ERO1B: variants seen among roughly 807,000 people sequenced by gnomAD.
The protein encoded by ERO1B is ERO1-like protein beta.
ERO1B carries 49 observed loss-of-function variants against 75.3 expected under a neutral mutation model. The observed-to-expected ratio is 0.65, with a 90% CI of 0.52 to 0.83. The LOEUF (loss-of-function observed/expected upper bound fraction) is 0.83, where lower values mean the gene tolerates loss of function less well. Ranked by LOEUF, ERO1B falls within the 40% of genes least tolerant of loss-of-function variation. The pLI is 0.00. For synonymous variants in ERO1B, 191 were observed against 192.9 expected, an observed-to-expected ratio of 0.99 and a Z score of 0.08; for missense variants, 512 against 560.1, an observed-to-expected ratio of 0.91 and a Z score of 0.87.
At chr1:236,253,205 T>C (rs566337744) in intron 3 of ERO1B, among the ~76,000 whole-genome samples, 1 of 152,344 alleles carries the variant, frequency 6.6e-6, no homozygotes, top group East Asian at 1.9e-4. Context: ...ATTTCCATAT[T>C]TGATCACCAG....
intron 10 of ERO1B, 64 bp from the exon 11 acceptor site, chr1:236,226,803 G>A: frequency 8.0e-7 from 1 of 1,251,528 alleles, no homozygotes; most frequent in East Asian, 2.3e-5. Flanking sequence ...TTGACTCAAG[G>A]AGGTTCAGTA....
chr1:236,229,100 T>C (rs1380648382), intron 10 of ERO1B, among the ~76,000 whole-genome samples: 1 of 152,190 alleles, frequency 6.6e-6, no homozygotes, highest in Non-Finnish European at 1.5e-5. Context: ...TTCACCTTAA[T>C]AATGGCCAAC....
chr1:236,269,869 C>T lies in ERO1B; in HGVS notation c.222+6G>A, dbSNP rs201981274. The T allele has an allele frequency of 2.5e-6, 4 of 1,579,712 alleles. No individual in the cohort carries two copies. Among genetic ancestry groups the T allele is most frequent in the Non-Finnish European group, 3.5e-6 (4 of 1,149,910 alleles). ...ATATCAACAGAATAAAAAATTACAA[C>T]CTTACCTTGTAATAACGAAAATAGT... On this transcript the variant is annotated splice_donor_region_variant and intron_variant, in intron 2 of 15. Transcript: ENST00000354619.
At chr1:236,268,650 G>A (rs1307115123) in intron 2 of ERO1B, among the ~76,000 whole-genome samples, 1 of 152,172 alleles carries the variant, frequency 6.6e-6, no homozygotes, top group African/African-American at 2.4e-5. Flanking sequence ...ACTTTGGGAG[G>A]CCAAGGCGGG....
intron 6 of ERO1B, among the ~76,000 whole-genome samples, chr1:236,237,851 T>C (rs1043572328): frequency 4.6e-5 from 7 of 152,170 alleles, no homozygotes; most frequent in Non-Finnish European, 8.8e-5. Flanking sequence ...CCTGGCACTT[T>C]TGTTTTTGAG....
At chr1:236,269,778 C>T in intron 2 of ERO1B, 97 bp downstream of exon 2, 1 of 900,810 alleles carries the variant, frequency 1.1e-6, no homozygotes, top group East Asian at 2.5e-5. Flanking sequence ...AAGATATACA[C>T]AAGGTGCTGA....
At chr1:236,243,334 A>G (rs1664760163) in intron 6 of ERO1B, 88 bp downstream of exon 6, 6 of 921,272 alleles carry the variant, frequency 6.5e-6, no homozygotes, top group Admixed American at 2.7e-5. Context: ...TACTGAAGCT[A>G]TAATTCAGTT....
intron 5 of ERO1B, 100 bp from the exon 6 acceptor site, chr1:236,243,595 T>C: frequency 1.4e-6 from 1 of 727,820 alleles, no homozygotes; most frequent in Non-Finnish European, 2.1e-6. Context: ...CTGAGGTCAG[T>C]TAAAGATTAG....
At chr1:236,271,659 T>G (rs573665194) in intron 1 of ERO1B, among the ~76,000 whole-genome samples, 1 of 151,586 alleles carries the variant, frequency 6.6e-6, no homozygotes, top group African/African-American at 2.4e-5. Context: ...CTAGTGATTG[T>G]TTTTTATATA....
intron 15 of ERO1B, among the ~76,000 whole-genome samples, chr1:236,218,806 G>A (rs1268206447): frequency 6.6e-6 from 1 of 152,162 alleles, no homozygotes; most frequent in Non-Finnish European, 1.5e-5. Flanking sequence ...AATGGGAACA[G>A]TGATATGAAT....
Position 236,216,801 on chromosome 1 carries a change from T to A in ERO1B, c.*1715A>T, listed in dbSNP as rs1663992781. 1 of 152,112 alleles carries A rather than the reference T, an allele frequency of 6.6e-6. No homozygotes were observed. The allele number at this position is 152,112 out of a possible 1,614,324, so 9.4% of individuals were successfully genotyped here. ...AGTGAATACTAAGAATAATTCTTAC[T>A]AATTTACTAGTTAAATTAATTGGAT... On this transcript the variant is annotated 3_prime_UTR_variant, in exon 16 of 16. Coordinates refer to ENST00000354619, the MANE Select transcript of ERO1B (RefSeq NM_019891.4).
chr1:236,280,064 G>A lies in ERO1B; in HGVS notation c.102+1618C>T, dbSNP rs559749494. ...CAGCACCTGGGAAGCCAAAGTAAGA[G>A]GCTCGCTGGAGGCCAGGAGTTGAAG... On this transcript the variant is annotated intron_variant, in intron 1 of 15. Transcript: ENST00000354619. Among the ~76,000 whole-genome samples, 7 of 152,270 alleles carry A rather than the reference G, an allele frequency of 4.6e-5. No homozygotes were observed. In the South Asian group the frequency reaches 1.0e-3, roughly 23 times the overall value.
At chr1:236,242,082 AAT>A (rs971018847) in intron 6 of ERO1B, among the ~76,000 whole-genome samples, 2 of 152,138 alleles carry the variant, frequency 1.3e-5, no homozygotes, top group Non-Finnish European at 2.9e-5. Context: ...AAAAAAAAAA[AAT>A]CGTTAACACT....
At chr1:236,219,963 G>A (rs1664095116) in intron 15 of ERO1B, among the ~76,000 whole-genome samples, 1 of 149,780 alleles carries the variant, frequency 6.7e-6, no homozygotes, top group African/African-American at 2.5e-5. Context: ...TTTGGATGCT[G>A]CAGTGAGCCA....
Position 236,274,350 on chromosome 1 carries a change from TTA to T in ERO1B, c.103-4358_103-4357del, listed in dbSNP as rs199705193. On this transcript the variant is annotated intron_variant, in intron 1 of 15. Transcript: ENST00000354619. ...TTGCCAATCTAGTTAGCATGAAAGA[TTA>T]TCTTTTTTCTTATTTGCACTAAGAA... Among the ~76,000 whole-genome samples, 919 of 152,282 alleles carry T rather than the reference TTA, an allele frequency of 6.0e-3. 10 individuals are homozygous for T. The highest frequency in any genetic ancestry group is 0.021 in the African/African-American group (879 of 41,554).
intron 2 of ERO1B, among the ~76,000 whole-genome samples, chr1:236,260,079 C>T (rs1261104108): frequency 6.6e-6 from 1 of 151,812 alleles, no homozygotes; most frequent in African/African-American, 2.4e-5. Context: ...TCAATGAAAC[C>T]AAAGTTTTTT....
intron 2 of ERO1B, 71 bp from the exon 3 acceptor site, chr1:236,253,576 G>T: frequency 1.1e-6 from 1 of 939,846 alleles, no homozygotes; most frequent in Non-Finnish European, 1.7e-6. Context: ...TCATTGTGTT[G>T]GGCACCAGTG....
In ERO1B at chr1:236,269,091, T is replaced by C. The variant is rs186037726; in HGVS notation, c.222+784A>G. On this transcript the variant is annotated intron_variant, in intron 2 of 15. Coordinates refer to ENST00000354619, the MANE Select transcript of ERO1B (RefSeq NM_019891.4). ...CTGTACTAAAAATACAAAAACTAGCTGGGTGTGGTGGCGGGCGCCTGTAAT... is the reference window on the plus strand; with the variant it reads ...CTGTACTAAAAATACAAAAACTAGCCGGGTGTGGTGGCGGGCGCCTGTAAT... Among the ~76,000 whole-genome samples, 15 of 151,462 alleles carry C rather than the reference T, an allele frequency of 9.9e-5. 2 individuals are homozygous for C. Among genetic ancestry groups the C allele is most frequent in the African/African-American group, 3.6e-4 (15 of 41,262 alleles).
Position 236,253,411 on chromosome 1 carries a change from A to T in ERO1B, c.306+11T>A. 6.4e-7 allele frequency: 1 copy of T among 1,560,632 alleles called. No homozygotes were observed. The highest frequency in any genetic ancestry group is 2.2e-5 in the East Asian group (1 of 44,594). ...AAAATTGGCTTTGCCCTGTTATTTT[A>T]TTTATTATACCTCTGGACAGGGCTC... is the stretch of plus-strand genomic sequence containing the variant. On this transcript the variant is annotated intron_variant, in intron 3 of 15. Transcript: ENST00000354619.
Sources: allele counts gnomAD v4.1 joint callset (sites outside exome capture counted in the v4.1 genomes callset), GRCh38; gene constraint gnomAD v4.1.1; transcripts MANE v1.5; gene names NCBI Gene and HGNC (gene_info 2026-07-23, HGNC 2026-07-21).